The following GRM8 variants were observed in gnomAD, a reference collection of about 807,000 sequenced individuals.
GRM8 encodes the protein glutamate metabotropic receptor 8.
A neutral mutation model predicts 87.2 loss-of-function variants in GRM8; 47 were observed. That is an observed-to-expected ratio of 0.54 (90% CI 0.43 to 0.69). GRM8 has a LOEUF of 0.69. GRM8 is among the 30% of genes least tolerant of loss of function. The pLI is 0.00. For synonymous variants in GRM8, 396 were observed against 404.5 expected (o/e 0.98, Z 0.25); for missense variants, 1,019 against 1,139.2 (o/e 0.89, Z 1.52).
chr7:127,103,188 T>A (rs1825482281), intron 3 of GRM8, among the ~76,000 whole-genome samples: 1 of 152,172 alleles, frequency 6.6e-6, no homozygotes, highest in Admixed American at 6.5e-5. Context: ...TTGGGGAGAC[T>A]ATTGCAATGG....
chr7:126,728,909 C>A (rs533430345), intron 7 of GRM8, among the ~76,000 whole-genome samples: 1 of 152,164 alleles, frequency 6.6e-6, no homozygotes, highest in Non-Finnish European at 1.5e-5. Flanking sequence ...CCAGAAAGTT[C>A]TTTCCTGAGA....
chr7:126,599,280 G>C (rs914611347), intron 8 of GRM8, among the ~76,000 whole-genome samples: 3 of 152,044 alleles, frequency 2.0e-5, no homozygotes, highest in African/African-American at 7.2e-5. Context: ...TGGCCTGATT[G>C]CAAGGATCTT....
intron 3 of GRM8, among the ~76,000 whole-genome samples, chr7:127,044,793 A>G (rs1400150931): frequency 6.6e-6 from 1 of 152,242 alleles, no homozygotes; most frequent in Non-Finnish European, 1.5e-5. Context: ...CCAGTGGGTC[A>G]GGCAACAACA....
chr7:126,907,340 G>A (rs1232879406), intron 3 of GRM8, among the ~76,000 whole-genome samples: 1 of 151,694 alleles, frequency 6.6e-6, no homozygotes, highest in African/African-American at 2.4e-5. Context: ...GAAGGGGAAG[G>A]AGGAGAAGGA....
chr7:126,957,392 T>A (rs1444468221), intron 3 of GRM8, among the ~76,000 whole-genome samples: 1 of 152,006 alleles, frequency 6.6e-6, no homozygotes, highest in Non-Finnish European at 1.5e-5. Flanking sequence ...GGGAGCCCCA[T>A]CCCCTACCGA....
intron 3 of GRM8, among the ~76,000 whole-genome samples, chr7:126,967,048 G>T (rs1809944664): frequency 6.6e-6 from 1 of 152,164 alleles, no homozygotes; most frequent in Non-Finnish European, 1.5e-5. Flanking sequence ...TCTATTGTTA[G>T]ATTTATTCAT....
chr7:126,975,452 G>A (rs145762863), intron 3 of GRM8, among the ~76,000 whole-genome samples: 18 of 152,272 alleles, frequency 1.2e-4, no homozygotes, highest in East Asian at 3.9e-4. Flanking sequence ...TCTATTTTCC[G>A]TCTTGAGTTT....
intron 3 of GRM8, among the ~76,000 whole-genome samples, chr7:126,997,471 C>T (rs1813293645): frequency 7.5e-6 from 1 of 132,950 alleles, no homozygotes; most frequent in Admixed American, 7.4e-5. Context: ...ATGAAGAAAA[C>T]ATAAAAGATA....
intron 7 of GRM8, among the ~76,000 whole-genome samples, chr7:126,624,549 C>T (rs79093700): frequency 3.2e-4 from 48 of 152,266 alleles, no homozygotes; most frequent in Middle Eastern, 3.4e-3. Flanking sequence ...TTTAACTGAT[C>T]GATATAAATC....
chr7:127,217,403 A>G lies in GRM8; in HGVS notation c.510+25292T>C, dbSNP rs897304956. Among the ~76,000 whole-genome samples the G allele has an allele frequency of 3.3e-5, 5 of 152,210 alleles. No homozygotes were observed. The East Asian group carries it at 5.8e-4, about 18-fold the overall frequency. On this transcript the variant is annotated intron_variant, in intron 2 of 10. Coordinates refer to ENST00000339582, the MANE Select transcript of GRM8 (RefSeq NM_000845.3). ...AGGCATGGTGGAAAAAAGCATCCAGACAGAAAAAGCACATGCAGCAACAAG... is the reference window on the plus strand; with the variant it reads ...AGGCATGGTGGAAAAAAGCATCCAGGCAGAAAAAGCACATGCAGCAACAAG...
intron 6 of GRM8, among the ~76,000 whole-genome samples, chr7:126,861,222 T>C (rs1798108093): frequency 6.6e-6 from 1 of 152,158 alleles, no homozygotes; most frequent in Non-Finnish European, 1.5e-5. Context: ...GAGTGTATTA[T>C]ACTATGCTTT....
chr7:126,573,044 A>G (rs917056398), intron 8 of GRM8, among the ~76,000 whole-genome samples: 3 of 152,194 alleles, frequency 2.0e-5, no homozygotes, highest in Non-Finnish European at 4.4e-5. Context: ...TAAGCGATAG[A>G]CTGAATATAA....
At position 126,834,571 on chromosome 7, in the gene GRM8, C is replaced by T. The variant is rs1048796423; in HGVS notation, c.1157-64506G>A. On this transcript the variant is annotated intron_variant, in intron 6 of 10. Coordinates refer to ENST00000339582, the MANE Select transcript of GRM8 (RefSeq NM_000845.3). ...ATGGTTTCAACTAACAAAACAATAA[C>T]ATTCAGAAAAAAGTCATCAGGAGAA... 2.6e-5 allele frequency among the ~76,000 whole-genome samples: 4 copies of T among 152,158 alleles called. No individual in the cohort carries two copies. The East Asian group carries it at 7.7e-4, about 29-fold the overall frequency.
intron 3 of GRM8, among the ~76,000 whole-genome samples, chr7:127,073,019 A>G (rs904268365): frequency 6.6e-6 from 1 of 151,590 alleles, no homozygotes; most frequent in Non-Finnish European, 1.5e-5. Flanking sequence ...TACAGGAAAA[A>G]CTCTCAGAGG....
intron 2 of GRM8, among the ~76,000 whole-genome samples, chr7:127,186,495 T>G (rs1374352861): frequency 2.0e-5 from 3 of 152,144 alleles, no homozygotes; most frequent in Non-Finnish European, 4.4e-5. Context: ...ACTCCCTCCC[T>G]TCTGTGCTGT....
intron 9 of GRM8, among the ~76,000 whole-genome samples, chr7:126,492,912 A>G (rs925138390): frequency 6.6e-6 from 1 of 152,092 alleles, no homozygotes; most frequent in Non-Finnish European, 1.5e-5. Flanking sequence ...AGCCTCTCCA[A>G]GTCCATTAAA....
chr7:126,788,346 G>T (rs1389635764), intron 6 of GRM8, among the ~76,000 whole-genome samples: 1 of 132,256 alleles, frequency 7.6e-6, no homozygotes, highest in African/African-American at 2.9e-5. Flanking sequence ...GCAAGTGAAG[G>T]TTGCAGTGAG....
At chr7:126,975,594 C>G (rs1204595) in intron 3 of GRM8, among the ~76,000 whole-genome samples, 116,943 of 152,100 alleles carry the variant, frequency 0.77, 45,326 homozygotes, top group East Asian at 0.97. Flanking sequence ...GGAAGGCATG[C>G]GCCTACCCTC....
intron 7 of GRM8, among the ~76,000 whole-genome samples, chr7:126,621,116 G>A (rs1800130293): frequency 1.3e-5 from 2 of 152,172 alleles, no homozygotes; most frequent in Admixed American, 6.5e-5. Flanking sequence ...TTTCAACAGT[G>A]TCTCAATTAT....
Sources: allele counts gnomAD v4.1 joint callset (sites outside exome capture counted in the v4.1 genomes callset), GRCh38; gene constraint gnomAD v4.1.1; transcripts MANE v1.5; gene names NCBI Gene and HGNC (gene_info 2026-07-23, HGNC 2026-07-21).